The following BCKDHB variants were observed in gnomAD, a reference collection of about 807,000 sequenced individuals.
The protein encoded by BCKDHB is branched chain keto acid dehydrogenase E1 subunit beta.
A neutral mutation model predicts 48.5 loss-of-function variants in BCKDHB; 41 were observed. The observed-to-expected ratio is 0.85, with a 90% CI of 0.66 to 1.10. BCKDHB has a LOEUF of 1.10. Among genes scored for constraint, BCKDHB ranks in the 50% least tolerant of loss-of-function variants. The pLI is 0.00. For missense variants in BCKDHB, 496 were observed against 494.2 expected (o/e 1.00, Z -0.03); for synonymous variants, 201 against 174.8 (o/e 1.15, Z -1.18).
chr6:80,142,114 A>T (rs1771247555), intron 3 of BCKDHB, among the ~76,000 whole-genome samples: 1 of 152,062 alleles, frequency 6.6e-6, no homozygotes, highest in African/African-American at 2.4e-5. Context: ...TTTTTGATTC[A>T]GATATAATTT....
In BCKDHB at chr6:80,159,516, G is replaced by A. The variant is rs192016844; in HGVS notation, c.344-8162G>A. On this transcript the variant is annotated intron_variant, in intron 3 of 9. Transcript: ENST00000320393. ...CATTATTTAAGCATTTTTCTGGCCT[G>A]TCTAATGAATAGAATGTTCTGTTTT... Among the ~76,000 whole-genome samples, 383 of 152,236 alleles carry A rather than the reference G, an allele frequency of 2.5e-3. 2 individuals are homozygous for A. The highest frequency in any genetic ancestry group is 3.7e-3 in the Non-Finnish European group (249 of 68,014).
chr6:80,166,885 C>T (rs948984930), intron 3 of BCKDHB, among the ~76,000 whole-genome samples: 12 of 152,052 alleles, frequency 7.9e-5, no homozygotes, highest in Non-Finnish European at 1.6e-4. Context: ...GTCAGTTAGG[C>T]CATGTTTGTT....
chr6:80,277,803 T>A (rs2127970984), intron 9 of BCKDHB, among the ~76,000 whole-genome samples: 1 of 152,200 alleles, frequency 6.6e-6, no homozygotes, highest in East Asian at 1.9e-4. Context: ...AAACTGTGGA[T>A]ACCAACATAT....
chr6:80,461,772 A>G, the BCKDHB span, among the ~76,000 whole-genome samples: 17 of 152,138 alleles, frequency 1.1e-4, no homozygotes, highest in East Asian at 3.1e-3. Context: ...TCCTGGAATA[A>G]TCTCTTTGTT....
intron 9 of BCKDHB, among the ~76,000 whole-genome samples, chr6:80,289,051 CAT>C (rs1766776824): frequency 6.6e-6 from 1 of 152,212 alleles, no homozygotes; most frequent in South Asian, 2.1e-4. Context: ...TTTCTCAAAA[CAT>C]AGATTTGCTA....
chr6:80,342,190 A>G (rs1265631041), intron 9 of BCKDHB, among the ~76,000 whole-genome samples: 1 of 152,166 alleles, frequency 6.6e-6, no homozygotes, highest in Non-Finnish European at 1.5e-5. Flanking sequence ...GGGATAAAGC[A>G]TGAGGTATCA....
chr6:80,384,154 T>C, the BCKDHB span, among the ~76,000 whole-genome samples: 2 of 152,106 alleles, frequency 1.3e-5, no homozygotes, highest in Non-Finnish European at 2.9e-5. Flanking sequence ...GATTAACATT[T>C]GAGTCAGTGG....
At chr6:80,229,967 G>A (rs896280240) in intron 8 of BCKDHB, among the ~76,000 whole-genome samples, 1 of 146,304 alleles carries the variant, frequency 6.8e-6, no homozygotes, top group Non-Finnish European at 1.5e-5. Context: ...TTCTTAAACA[G>A]TAGCACATAA....
intron 9 of BCKDHB, among the ~76,000 whole-genome samples, chr6:80,321,002 G>A (rs184519213): frequency 1.3e-5 from 2 of 152,128 alleles, no homozygotes; most frequent in East Asian, 3.9e-4. Context: ...AATTAGTACA[G>A]AGCCAGTAAA....
chr6:80,340,542 C>T (rs189916096), intron 9 of BCKDHB, among the ~76,000 whole-genome samples: 4 of 152,308 alleles, frequency 2.6e-5, no homozygotes, highest in Admixed American at 2.0e-4. Flanking sequence ...CTCAACAGCC[C>T]TGTAGGCTAT....
At chr6:80,429,938 G>T in the BCKDHB span, among the ~76,000 whole-genome samples, 1 of 152,142 alleles carries the variant, frequency 6.6e-6, no homozygotes, top group Non-Finnish European at 1.5e-5. Context: ...TCCTTGTCTC[G>T]TGCCGGTTTT....
chr6:80,415,420 G>T, the BCKDHB span, among the ~76,000 whole-genome samples: 1 of 151,950 alleles, frequency 6.6e-6, no homozygotes, highest in Non-Finnish European at 1.5e-5. Context: ...TGTCATAGAT[G>T]GTCCTTATTA....
chr6:80,391,578 C>T, the BCKDHB span, among the ~76,000 whole-genome samples: 4 of 152,144 alleles, frequency 2.6e-5, no homozygotes, highest in Non-Finnish European at 4.4e-5. Context: ...AGAGGAAATG[C>T]AGCCAAGCTG....
intron 6 of BCKDHB, among the ~76,000 whole-genome samples, chr6:80,188,507 T>C (rs925684857): frequency 4.1e-4 from 63 of 152,138 alleles, no homozygotes; most frequent in African/African-American, 1.4e-3. Context: ...GGTGTGGTGG[T>C]GTACTCCCAT....
the BCKDHB span, among the ~76,000 whole-genome samples, chr6:80,442,482 A>C: frequency 6.6e-6 from 1 of 152,198 alleles, no homozygotes; most frequent in Admixed American, 6.6e-5. Flanking sequence ...ATGTATATAT[A>C]TCAACTGTAT....
chr6:80,167,913 T>C, intron 4 of BCKDHB, 102 bp downstream of exon 4: 1 of 1,161,652 alleles, frequency 8.6e-7, no homozygotes, highest in Non-Finnish European at 1.3e-6. Context: ...CATTTTATTA[T>C]CCTTTTACTA....
chr6:80,324,384 T>A (rs990940500), intron 9 of BCKDHB, among the ~76,000 whole-genome samples: 4 of 152,068 alleles, frequency 2.6e-5, no homozygotes, highest in Non-Finnish European at 5.9e-5. Context: ...TTGTATGGCC[T>A]GATTAGGTAG....
chr6:80,374,691 C>A, the BCKDHB span: 1 of 358,234 alleles, frequency 2.8e-6, no homozygotes. Flanking sequence ...ATTCACCATG[C>A]TATTTGTCAC....
At chr6:80,373,848 T>G in the BCKDHB span, among the ~76,000 whole-genome samples, 3 of 152,156 alleles carry the variant, frequency 2.0e-5, no homozygotes, top group Non-Finnish European at 4.4e-5. Flanking sequence ...TGGTGTCCAT[T>G]TGCATGGAAT....
Sources: allele counts gnomAD v4.1 joint callset (sites outside exome capture counted in the v4.1 genomes callset), GRCh38; gene constraint gnomAD v4.1.1; transcripts MANE v1.5; gene names NCBI Gene and HGNC (gene_info 2026-07-23, HGNC 2026-07-21).